The following PDXDC1 variants were observed in gnomAD, a reference collection of about 807,000 sequenced individuals.
The protein encoded by PDXDC1 is pyridoxal-dependent decarboxylase domain-containing protein 1.
Under a neutral mutation model 100.1 loss-of-function variants are expected in PDXDC1, and 42 were observed. The observed-to-expected ratio is 0.42, with a 90% CI of 0.33 to 0.54. The LOEUF is 0.54. Ranked by LOEUF, PDXDC1 falls within the 20% of genes least tolerant of loss-of-function variation. The pLI, the probability that PDXDC1 is intolerant of heterozygous loss-of-function variation, is 0.10. For missense variants in PDXDC1, 636 were observed against 979.2 expected (o/e 0.65, Z 4.68); for synonymous variants, 260 against 371.7 (o/e 0.70, Z 3.46).
chr16:14,994,969 G>T (rs1971644880), intron 1 of PDXDC1, among the ~76,000 whole-genome samples: 2 of 152,408 alleles, frequency 1.3e-5, no homozygotes, highest in Admixed American at 1.3e-4. Context: ...AAGAATGCTT[G>T]TGATTTTTGC....
intron 8 of PDXDC1, among the ~76,000 whole-genome samples, chr16:15,010,579 A>C (rs1450489123): frequency 2.0e-5 from 3 of 152,298 alleles, no homozygotes; most frequent in Non-Finnish European, 4.4e-5. Flanking sequence ...TATCTACCTT[A>C]TAGGCGGCAG....
At chr16:15,101,312 T>TTTTG (rs539667833) in intron 16 of PDXDC1, among the ~76,000 whole-genome samples, 1 of 152,128 alleles carries the variant, frequency 6.6e-6, no homozygotes, top group East Asian at 1.9e-4. Context: ...GCACGGTCTT[T>TTTTG]TTTGTTTGTT....
intron 1 of PDXDC1, among the ~76,000 whole-genome samples, chr16:14,991,271 G>A (rs1970741951): frequency 8.3e-5 from 1 of 12,086 alleles, no homozygotes; most frequent in Non-Finnish European, 4.2e-4. Context: ...ATAGATATGT[G>A]TGTGTGTGTG....
chr16:15,111,138 AC>A (rs2047038114), intron 16 of PDXDC1, among the ~76,000 whole-genome samples: 1 of 148,556 alleles, frequency 6.7e-6, no homozygotes, highest in African/African-American at 2.4e-5. Flanking sequence ...ACACACACAC[AC>A]ACACACACAC....
chr16:15,086,520 T>A, intron 16 of PDXDC1: 11 of 1,592,016 alleles, frequency 6.9e-6, no homozygotes, highest in Non-Finnish European at 9.4e-6. Context: ...TTTACAGCTA[T>A]CTTATATCAA....
chr16:15,125,169 A>G, intron 16 of PDXDC1: 1 of 551,154 alleles, frequency 1.8e-6, no homozygotes, highest in East Asian at 3.8e-5. Context: ...AAAAAAAAAA[A>G]AAAAAAAAAA....
chr16:15,128,277 G>T (rs537489187), intron 16 of PDXDC1: 1 of 1,610,734 alleles, frequency 6.2e-7, no homozygotes, highest in African/African-American at 1.3e-5. Flanking sequence ...GCGGGGTGGC[G>T]ATCCGGAAGA....
chr16:15,096,734 G>A (rs1054231605), intron 16 of PDXDC1, among the ~76,000 whole-genome samples: 1 of 152,256 alleles, frequency 6.6e-6, no homozygotes, highest in Admixed American at 6.5e-5. Flanking sequence ...CCAAGTTAGA[G>A]CGCAATGGCG....
At chr16:15,077,108 T>G (rs2045493142) in intron 16 of PDXDC1, among the ~76,000 whole-genome samples, 1 of 151,572 alleles carries the variant, frequency 6.6e-6, no homozygotes, top group African/African-American at 2.4e-5. Context: ...GCCTCCCGAG[T>G]AGCTGGGATT....
intron 1 of PDXDC1, among the ~76,000 whole-genome samples, chr16:14,991,265 ATATGTGTGTGTGTG>A (rs758098852): frequency 1.1e-4 from 15 of 137,912 alleles, no homozygotes; most frequent in South Asian, 4.9e-4. Flanking sequence ...ATGTATATAG[ATATGTGTGTGTGTG>A]TGTGTGTGTG....
intron 16 of PDXDC1, among the ~76,000 whole-genome samples, chr16:15,100,004 G>A (rs2046484341): frequency 1.3e-5 from 2 of 152,092 alleles, no homozygotes; most frequent in African/African-American, 4.8e-5. Context: ...TATATAGTAA[G>A]GTACCAAAAA....
downstream of PDXDC1, chr16:15,038,700 G>A (rs202125067): frequency 2.0e-5 from 28 of 1,420,714 alleles, no homozygotes; most frequent in African/African-American, 7.1e-5. Flanking sequence ...AAAAAAGAAC[G>A]TGTCAAGGAT....
chr16:15,028,544 G>T (rs969725438), intron 14 of PDXDC1, among the ~76,000 whole-genome samples: 6 of 152,292 alleles, frequency 3.9e-5, no homozygotes, highest in Non-Finnish European at 8.8e-5. Context: ...GTGAGGCCTA[G>T]TTAGATGATC....
rs3803574 is a variant in PDXDC1, at chr16:15,044,588, T to C, written c.1399+14532T>C. On this transcript the variant is annotated intron_variant, in intron 16 of 16. Transcript: ENST00000535621. ...ACACTGCCAAGGCCAGTGGCGAGCT[T>C]CTGGGGACCCTGCCCAGGGGCCCTG... The C allele has an allele frequency of 8.8e-3, 5,315 of 602,742 alleles. 194 individuals carry two copies. The East Asian group carries it at 0.091, about 10-fold the overall frequency. 37.3% of individuals were successfully genotyped at this position (602,742 alleles called of 1,614,324 possible).
In PDXDC1 at chr16:15,134,118, G is replaced by T. The variant is rs2048239036; in HGVS notation, c.1400-4761G>T. On this transcript the variant is annotated intron_variant, in intron 16 of 16. Coordinates refer to the PDXDC1 transcript ENST00000535621. ...GTGAGGGGGCGCAACCCTCTGCCCT[G>T]TCAGCCCCACTTCTGCCTGCAGGCC... is the stretch of plus-strand genomic sequence containing the variant. The T allele has an allele frequency of 2.1e-5, 30 of 1,423,746 alleles. No individual in the cohort carries two copies. In the South Asian group the frequency reaches 3.2e-4, roughly 15 times the overall value. The allele number at this position is 1,423,746 out of a possible 1,614,324, so 88.2% of individuals were successfully genotyped here. A position where few individuals can be genotyped will look rare whatever the true frequency, so the allele number is the denominator to read the frequency against.
At chr16:15,135,927 G>C in intron 16 of PDXDC1, 1 of 1,581,636 alleles carries the variant, frequency 6.3e-7, no homozygotes, top group Non-Finnish European at 8.6e-7. Flanking sequence ...AGCTGAGGCC[G>C]GCTCACGTCC....
At chr16:15,041,798 C>T (rs1450387275), downstream of PDXDC1, 5 of 736,884 alleles carry the variant, frequency 6.8e-6, no homozygotes, top group East Asian at 2.6e-5. Flanking sequence ...CCCTACAGCC[C>T]GCGCCCACAC....
intron 4 of PDXDC1, among the ~76,000 whole-genome samples, 180 bp from the exon 5 acceptor site, chr16:15,004,007 C>T (rs1415816043): frequency 6.6e-6 from 1 of 152,272 alleles, no homozygotes; most frequent in African/African-American, 2.4e-5. Context: ...ATATTTTTTT[C>T]TCCATCTCAA....
At position 15,037,809 on chromosome 16, in the gene PDXDC1, T is replaced by C. The variant is rs2043576871; in HGVS notation, c.*1534T>C. 4.5e-6 allele frequency: 2 copies of C among 440,902 alleles called. No individual in the cohort carries two copies. Among genetic ancestry groups the C allele is most frequent in the East Asian group, 3.7e-5 (1 of 27,158 alleles). The allele number at this position is 440,902 out of a possible 1,614,324, so 27.3% of individuals were successfully genotyped here. ...CGTTATTACCGACCAAAAAAAAAAC[T>C]GGACATCAATTTTTTAGTAAACCAA... On this transcript the variant is annotated 3_prime_UTR_variant, in exon 23 of 23. Transcript: ENST00000396410.
Sources: gnomAD v4.1 joint callset for allele counts (sites outside exome capture counted in the v4.1 genomes callset) on GRCh38, gnomAD v4.1.1 for gene constraint, MANE v1.5 for transcripts, NCBI Gene and HGNC (gene_info 2026-07-23, HGNC 2026-07-21) for gene names.